CEMIP: variants seen among roughly 807,000 people sequenced by gnomAD.
CEMIP encodes cell migration inducing hyaluronidase 1, also known as cell migration-inducing and hyaluronan-binding protein.
Under a neutral mutation model 156.9 loss-of-function variants are expected in CEMIP, and 105 were observed. That is an observed-to-expected ratio of 0.67 (90% CI 0.57 to 0.79). CEMIP has a LOEUF of 0.79. Ranked by LOEUF, CEMIP falls within the 30% of genes least tolerant of loss-of-function variation. CEMIP has a pLI of 0.00. For synonymous variants in CEMIP, 676 were observed against 668.4 expected (o/e 1.01, Z -0.17); for missense variants, 1,457 against 1,769.4 (o/e 0.82, Z 3.17).
At chr15:80,921,323 T>C (rs1900463948) in intron 16 of CEMIP, among the ~76,000 whole-genome samples, 1 of 152,216 alleles carries the variant, frequency 6.6e-6, no homozygotes, top group Non-Finnish European at 1.5e-5. Context: ...CACTTCATAA[T>C]ACTGGTGACC....
chr15:80,909,849 G>T, intron 14 of CEMIP: 1 of 348,744 alleles, frequency 2.9e-6, no homozygotes, highest in Non-Finnish European at 5.7e-6. Flanking sequence ...GACCTTTCTC[G>T]AAGTGAACTA....
At chr15:80,844,976 T>C (rs1897518578) in intron 1 of CEMIP, among the ~76,000 whole-genome samples, 1 of 152,198 alleles carries the variant, frequency 6.6e-6, no homozygotes, top group African/African-American at 2.4e-5. Flanking sequence ...AATCAGCTCA[T>C]CCAGATGTTC....
chr15:80,949,303 G>A lies in CEMIP; in HGVS notation c.*379G>A, dbSNP rs1242298686. On this transcript the variant is annotated 3_prime_UTR_variant, in exon 30 of 30. Transcript: ENST00000394685. ...TGACCCAGCTAGGAGGTAGTCTGGAGGGCTGGTCATTCACAGATCCCCATG... is the reference window on the plus strand; with the variant it reads ...TGACCCAGCTAGGAGGTAGTCTGGAAGGCTGGTCATTCACAGATCCCCATG... The A allele has an allele frequency of 8.4e-6, 3 of 357,894 alleles. No homozygotes were observed. Among genetic ancestry groups the A allele is most frequent in the South Asian group, 6.8e-5 (3 of 43,920 alleles). 22.2% of individuals were successfully genotyped at this position (357,894 alleles called of 1,614,324 possible). A position where few individuals can be genotyped will look rare whatever the true frequency, so the allele number is the denominator to read the frequency against.
At chr15:80,848,104 A>G (rs558609169) in intron 1 of CEMIP, among the ~76,000 whole-genome samples, 1 of 152,374 alleles carries the variant, frequency 6.6e-6, no homozygotes, top group South Asian at 2.1e-4. Flanking sequence ...GAGATGACCC[A>G]GATGAAATAG....
At chr15:80,867,690 G>A (rs927010064) in intron 1 of CEMIP, among the ~76,000 whole-genome samples, 1 of 152,220 alleles carries the variant, frequency 6.6e-6, no homozygotes, top group Non-Finnish European at 1.5e-5. Context: ...AGTTCCCCAG[G>A]CTTGGGACTC....
At chr15:80,915,792 C>G (rs563849336) in intron 14 of CEMIP, among the ~76,000 whole-genome samples, 1 of 152,044 alleles carries the variant, frequency 6.6e-6, no homozygotes, top group Non-Finnish European at 1.5e-5. Flanking sequence ...TTTGGTTGTC[C>G]GGGTTTTTTT....
intron 10 of CEMIP, among the ~76,000 whole-genome samples, chr15:80,889,913 G>C (rs1400826119): frequency 6.6e-6 from 1 of 152,236 alleles, no homozygotes; most frequent in African/African-American, 2.4e-5. Flanking sequence ...AATTTCCTTA[G>C]GGACCTTGAG....
chr15:80,793,120 G>A (rs1163346796), intron 1 of CEMIP, among the ~76,000 whole-genome samples: 1 of 152,334 alleles, frequency 6.6e-6, no homozygotes, highest in African/African-American at 2.4e-5. Flanking sequence ...GAGGGTAAGC[G>A]TTGGAGCTGC....
chr15:80,910,074 G>T (rs1419200642), intron 14 of CEMIP, among the ~76,000 whole-genome samples: 1 of 152,208 alleles, frequency 6.6e-6, no homozygotes, highest in African/African-American at 2.4e-5. Context: ...GGATGTCACA[G>T]AATGACACCC....
At chr15:80,896,183 A>C in intron 12 of CEMIP, 123 bp downstream of exon 12, 1 of 978,086 alleles carries the variant, frequency 1.0e-6, no homozygotes, top group Non-Finnish European at 1.6e-6. Flanking sequence ...TGCATAACAA[A>C]AAAAATCTTA....
chr15:80,847,105 C>G (rs903400912), intron 1 of CEMIP, among the ~76,000 whole-genome samples: 30 of 152,152 alleles, frequency 2.0e-4, no homozygotes, highest in African/African-American at 7.2e-4. Flanking sequence ...TGCAGTGGCA[C>G]AATCTTGGCT....
intron 1 of CEMIP, among the ~76,000 whole-genome samples, chr15:80,781,591 G>A (rs1032808385): frequency 2.0e-5 from 3 of 151,992 alleles, no homozygotes; most frequent in South Asian, 2.1e-4. Context: ...TACAAGAAAC[G>A]CAGGTCTGCT....
chr15:80,842,592 C>T (rs1383890271), intron 1 of CEMIP, among the ~76,000 whole-genome samples: 1 of 151,958 alleles, frequency 6.6e-6, no homozygotes, highest in Non-Finnish European at 1.5e-5. Context: ...ATTAGCTGGG[C>T]GTGGTGGCAG....
At chr15:80,910,737 T>C (rs969491421) in intron 14 of CEMIP, among the ~76,000 whole-genome samples, 1 of 152,196 alleles carries the variant, frequency 6.6e-6, no homozygotes, top group African/African-American at 2.4e-5. Context: ...CTCAGTCAAG[T>C]GGAGAAACAA....
At position 80,840,422 on chromosome 15, in the gene CEMIP, G is replaced by T. The variant is rs576788198; in HGVS notation, c.-175-33116G>T. On this transcript the variant is annotated intron_variant, in intron 1 of 29. Coordinates refer to ENST00000394685, the MANE Select transcript of CEMIP (RefSeq NM_001293298.2). ...TGGCAGGGACCCCGGCTGGCCCACG[G>T]GTAATGCCTTTCTCCTTGGCGCTGC... 4.6e-5 allele frequency among the ~76,000 whole-genome samples: 7 copies of T among 152,188 alleles called. No homozygotes were observed. The South Asian group carries it at 1.5e-3, about 32-fold the overall frequency.
chr15:80,920,414 T>C, intron 15 of CEMIP, 115 bp downstream of exon 15: 1 of 978,766 alleles, frequency 1.0e-6, no homozygotes, highest in Non-Finnish European at 1.5e-6. Context: ...TCTGAGGAGC[T>C]TGGGCCTCAC....
rs547252245 is a variant in CEMIP, at chr15:80,909,195, C to T, written c.1686C>T (p.Ala562=). ...AGTACCCGATTCACTTCCACCTGGC[C>T]GGTGATGTAGACGAAAGGGGAGGTT... The part of the protein sequence containing the change: ...VGQYPIHFHL[A]GDVDERGGYD... The change falls in exon 14 of 30, where the codon GCC becomes GCT. Residue 562 remains alanine, a synonymous_variant. Coordinates refer to ENST00000394685, the MANE Select transcript of CEMIP (RefSeq NM_001293298.2). 1.8e-5 allele frequency: 29 copies of T among 1,614,054 alleles called. No homozygotes were observed. The highest frequency in any genetic ancestry group is 4.0e-5 in the African/African-American group (3 of 74,982).
intron 1 of CEMIP, among the ~76,000 whole-genome samples, chr15:80,823,953 T>C (rs1192801567): frequency 6.6e-6 from 1 of 152,156 alleles, no homozygotes; most frequent in African/African-American, 2.4e-5. Context: ...AGCTGGGATT[T>C]AACCCCCAAT....
At chr15:80,900,687 G>C (rs898348588) in intron 12 of CEMIP, 1 of 281,178 alleles carries the variant, frequency 3.6e-6, no homozygotes, top group Admixed American at 5.1e-5. Context: ...TATTTTGTGT[G>C]TGTATTTTGT....
Sources: allele counts gnomAD v4.1 joint callset (sites outside exome capture counted in the v4.1 genomes callset), GRCh38; gene constraint gnomAD v4.1.1; transcripts MANE v1.5; gene names NCBI Gene and HGNC (gene_info 2026-07-23, HGNC 2026-07-21).